The following ECD variants were observed in gnomAD, a reference collection of about 807,000 sequenced individuals.
The protein encoded by ECD is ecdysoneless cell cycle regulator, also known as protein ecdysoneless homolog.
Under a neutral mutation model 77.2 loss-of-function variants are expected in ECD, and 59 were observed. That is an observed-to-expected ratio of 0.76 (90% CI 0.62 to 0.95). The LOEUF (loss-of-function observed/expected upper bound fraction) is 0.95. ECD is among the 40% of genes least tolerant of loss of function. ECD has a pLI of 0.00. For missense variants in ECD, 704 were observed against 763.4 expected (o/e 0.92, Z 0.92); for synonymous variants, 233 against 267.4 (o/e 0.87, Z 1.26).
intron 12 of ECD, among the ~76,000 whole-genome samples, 190 bp from the exon 13 acceptor site, chr10:73,137,108 T>C (rs1451118204): frequency 6.6e-6 from 1 of 151,850 alleles, no homozygotes; most frequent in Non-Finnish European, 1.5e-5. Context: ...TATGTGTGCA[T>C]TTAATGTTGT....
chr10:73,154,149 A>G, intron 6 of ECD, 107 bp downstream of exon 6: 1 of 1,116,398 alleles, frequency 9.0e-7, no homozygotes, highest in Non-Finnish European at 1.2e-6. Flanking sequence ...AACAATTAAA[A>G]TAATGTTTCA....
rs753949042 is a variant in ECD, at chr10:73,139,438, A to G, written c.1292T>C (p.Val431Ala). The change falls in exon 11 of 14, where the codon GTT (valine) becomes GCT (alanine). Residue 431 changes from valine (V) to alanine (A), a missense_variant. Coordinates refer to ENST00000372979, the MANE Select transcript of ECD (RefSeq NM_007265.3). ...DQLDQLLQEA[V>A]GKKESESVSK... Reference sequence around the variant, plus strand: ...AACAGACTCGGATTCTTTTTTGCCAACAGCTTCCTGCAGCAGCTGGTCCAG... The same window carrying G: ...AACAGACTCGGATTCTTTTTTGCCAGCAGCTTCCTGCAGCAGCTGGTCCAG... 6 of 1,614,008 alleles carry G rather than the reference A, an allele frequency of 3.7e-6. No homozygotes were observed. The highest frequency in any genetic ancestry group is 4.2e-6 in the Non-Finnish European group (5 of 1,180,038).
chr10:73,156,746 T>C, intron 3 of ECD, 91 bp from the exon 4 acceptor site: 1 of 1,236,030 alleles, frequency 8.1e-7, no homozygotes, highest in Non-Finnish European at 1.2e-6. Flanking sequence ...TTCCTCTTCA[T>C]CTTAGTAAAT....
intron 5 of ECD, among the ~76,000 whole-genome samples, chr10:73,155,086 G>A (rs1403966738): frequency 6.6e-6 from 1 of 152,072 alleles, no homozygotes; most frequent in Non-Finnish European, 1.5e-5. Flanking sequence ...GTCTCGCTCT[G>A]TCGCCAGGCT....
intron 13 of ECD, 66 bp downstream of exon 13, chr10:73,136,638 A>G: frequency 3.5e-6 from 5 of 1,413,622 alleles, no homozygotes; most frequent in African/African-American, 1.4e-5. Flanking sequence ...AAACTATGAT[A>G]AAATATGGTT....
At chr10:73,146,053 T>C (rs1202662450) in intron 9 of ECD, among the ~76,000 whole-genome samples, 2 of 151,550 alleles carry the variant, frequency 1.3e-5, no homozygotes, top group African/African-American at 4.8e-5. Flanking sequence ...TTTCTTTCGT[T>C]GTTTTTTTTT....
intron 9 of ECD, among the ~76,000 whole-genome samples, chr10:73,142,162 C>A (rs1327369873): frequency 6.6e-6 from 1 of 151,856 alleles, no homozygotes; most frequent in Non-Finnish European, 1.5e-5. Context: ...TGCCCACCAC[C>A]TCATCCGGCT....
At chr10:73,152,235 T>C in intron 7 of ECD, 58 bp downstream of exon 7, 2 of 1,575,232 alleles carry the variant, frequency 1.3e-6, no homozygotes. Flanking sequence ...GTGCCACTAT[T>C]CTATTAAGAG....
chr10:73,150,855 T>C (rs1436151803), intron 7 of ECD, among the ~76,000 whole-genome samples: 1 of 152,132 alleles, frequency 6.6e-6, no homozygotes, highest in African/African-American at 2.4e-5. Flanking sequence ...AGAATGGCGA[T>C]CATTAAAAAG....
intron 7 of ECD, among the ~76,000 whole-genome samples, chr10:73,149,991 A>G (rs1462938854): frequency 1.3e-5 from 2 of 152,014 alleles, no homozygotes; most frequent in Admixed American, 6.5e-5. Context: ...CAAGCTACCA[A>G]TGACTTTCTT....
chr10:73,164,469 C>G (rs903791662), intron 1 of ECD, among the ~76,000 whole-genome samples: 3 of 151,758 alleles, frequency 2.0e-5, no homozygotes, highest in African/African-American at 7.3e-5. Flanking sequence ...TTTTTTTAAA[C>G]TTTATTTATT....
chr10:73,148,588 T>C (rs1843158569), intron 7 of ECD, among the ~76,000 whole-genome samples, 184 bp from the exon 8 acceptor site: 1 of 152,198 alleles, frequency 6.6e-6, no homozygotes, highest in Admixed American at 6.5e-5. Flanking sequence ...AGTTTCTCAA[T>C]CATTATAGAT....
Position 73,163,715 on chromosome 10 carries a change from C to T in ECD, c.205+18G>A. On this transcript the variant is annotated intron_variant, in intron 2 of 13. Transcript: ENST00000372979. ...ACATTAAAAGTCACACTAATCCAAA[C>T]AAGTAAAAGAGCCTTACCTTTCCCA... 2 of 1,611,876 alleles carry T rather than the reference C, an allele frequency of 1.2e-6. No individual in the cohort carries two copies. The highest frequency in any genetic ancestry group is 1.7e-6 in the Non-Finnish European group (2 of 1,178,744).
In ECD at chr10:73,148,263, T is replaced by C. The variant is rs10823993; in HGVS notation, c.1041+13A>G. The C allele has an allele frequency of 3.2e-3, 5,179 of 1,612,748 alleles. 148 individuals are homozygous for C. In the African/African-American group the frequency reaches 0.061, roughly 19 times the overall value. ...GATTGAATACTTAAAAGCAAATATA[T>C]TGCAAGTCCTACCTTAAAGTAATCA... On this transcript the variant is annotated intron_variant, in intron 8 of 13. Coordinates refer to ENST00000372979, the MANE Select transcript of ECD (RefSeq NM_007265.3).
intron 11 of ECD, among the ~76,000 whole-genome samples, chr10:73,139,044 G>A (rs1843014294): frequency 6.6e-6 from 1 of 152,116 alleles, no homozygotes; most frequent in South Asian, 2.1e-4. Context: ...AGCTACTAAA[G>A]AGTAAAGTAT....
intron 7 of ECD, among the ~76,000 whole-genome samples, chr10:73,149,538 A>G (rs1843175192): frequency 6.6e-6 from 1 of 152,212 alleles, no homozygotes. Context: ...TATTCAATAA[A>G]TTACATGACA....
At chr10:73,138,476 G>C (rs113290858) in intron 11 of ECD, among the ~76,000 whole-genome samples, 6 of 152,096 alleles carry the variant, frequency 3.9e-5, no homozygotes, top group East Asian at 1.9e-4. Context: ...TTCTTAAAGA[G>C]AGAATACCAA....
chr10:73,148,281 A>G lies in ECD; in HGVS notation c.1036T>C (p.Phe346Leu), dbSNP rs1843154387. ...AAATATATTGCAAGTCCTACCTTAA[A>G]GTAATCATTCTTTTTCAGACTTTCA... ...FLESLKKNDY[F>L]KGLIEGSAQY... The change falls in exon 8 of 14, where the codon TTT (phenylalanine) becomes CTT (leucine). Residue 346 changes from phenylalanine to leucine, a missense_variant. Phe to Leu is a conservative substitution (Grantham distance 22, BLOSUM62 0). Around this residue, in one of 3 missense-constraint regions of ECD, gnomAD observed 559 missense variants for 583.7 expected, o/e 0.96. Coordinates refer to ENST00000372979, the MANE Select transcript of ECD (RefSeq NM_007265.3). 6 of 1,613,672 alleles carry G rather than the reference A, an allele frequency of 3.7e-6. No homozygotes were observed. In the East Asian group the frequency reaches 1.3e-4, roughly 36 times the overall value.
At chr10:73,157,163 C>T (rs1843307529) in intron 3 of ECD, among the ~76,000 whole-genome samples, 1 of 151,662 alleles carries the variant, frequency 6.6e-6, no homozygotes, top group Non-Finnish European at 1.5e-5. Flanking sequence ...AATTATCCTG[C>T]CTCAGCCTCC....
Sources: allele counts gnomAD v4.1 joint callset (sites outside exome capture counted in the v4.1 genomes callset), GRCh38; gene constraint gnomAD v4.1.1; regional missense constraint gnomAD v4.1.1; transcripts MANE v1.5; gene names NCBI Gene and HGNC (gene_info 2026-07-23, HGNC 2026-07-21).